The following ZNF644 variants were observed in gnomAD, a reference collection of about 807,000 sequenced individuals.
ZNF644 encodes the protein zinc finger protein 644.
Under a neutral mutation model 108.0 loss-of-function variants are expected in ZNF644, and 20 were observed. The ratio of observed to expected loss-of-function variants is 0.19; its 90% CI spans 0.13 to 0.27. The LOEUF (loss-of-function observed/expected upper bound fraction) is 0.27, where lower values mean the gene tolerates loss of function less well. Among genes scored for constraint, ZNF644 ranks in the 10% least tolerant of loss-of-function variants. The probability of loss-of-function intolerance (pLI) is 1.00; values close to 1 mark genes in which losing one functional copy is unlikely to be tolerated. For synonymous variants in ZNF644, 542 were observed against 539.1 expected (o/e 1.01, Z -0.08); for missense variants, 1,338 against 1,548.9 (o/e 0.86, Z 2.29).
chr1:90,980,608 C>A (rs1656448716), intron 2 of ZNF644, among the ~76,000 whole-genome samples: 1 of 152,006 alleles, frequency 6.6e-6, no homozygotes, highest in East Asian at 1.9e-4. Flanking sequence ...TGTGTTCATA[C>A]AATGGAATAT....
chr1:90,939,685 C>A lies in ZNF644; in HGVS notation c.1669G>T (p.Val557Phe), dbSNP rs750729443. 6.2e-7 allele frequency: 1 copy of A among 1,613,954 alleles called. No individual in the cohort carries two copies. Among genetic ancestry groups the A allele is most frequent in the South Asian group, 1.1e-5 (1 of 91,076 alleles). ...TTTCTCTGGGCAATATCAGAAGTGA[C>A]CATAGGGCATTTTACCACTGCCCCA... ...AHGAVVKCPMVTSDIAQRKTQ... is the reference protein window; with the variant it reads ...AHGAVVKCPMFTSDIAQRKTQ... The change falls in exon 3 of 6, where the codon GTC (valine) becomes TTC (phenylalanine). Residue 557 changes from valine to phenylalanine, a missense_variant. Transcript: ENST00000337393.
Position 90,938,938 on chromosome 1 carries a change from C to A in ZNF644, c.2416G>T (p.Val806Leu). 1 of 1,614,032 alleles carries A rather than the reference C, an allele frequency of 6.2e-7. No individual in the cohort carries two copies. Among genetic ancestry groups the A allele is most frequent in the East Asian group, 2.2e-5 (1 of 44,868 alleles). ...TCCTTAATTACTCTCTTTACAGCTA[C>A]ACGTCTGTGATCTTTGAAGCTTTCA... The part of the protein sequence containing the change: ...RPESFKDHRR[V>L]AVKRVIKESK... The change falls in exon 3 of 6, where the codon GTA becomes TTA. Residue 806 changes from valine to leucine, a missense_variant. Coordinates refer to ENST00000337393, the MANE Select transcript of ZNF644 (RefSeq NM_201269.3). This position sits in a 1 kb window ranked among gnomAD's most constrained non-coding sequence, Gnocchi z 4.2.
chr1:91,003,775 C>T (rs529509537), intron 1 of ZNF644, among the ~76,000 whole-genome samples: 8 of 152,046 alleles, frequency 5.3e-5, no homozygotes, highest in East Asian at 1.9e-4. Flanking sequence ...TGAGGAAACC[C>T]AGACATAGGA....
At chr1:90,925,485 T>C (rs369815293) in intron 4 of ZNF644, among the ~76,000 whole-genome samples, 8 of 152,092 alleles carry the variant, frequency 5.3e-5, no homozygotes, top group African/African-American at 1.7e-4. Flanking sequence ...ATAAACTCTA[T>C]ACCTAATGAT....
intron 2 of ZNF644, among the ~76,000 whole-genome samples, chr1:90,947,739 C>A (rs1253360888): frequency 2.0e-5 from 3 of 151,964 alleles, no homozygotes; most frequent in African/African-American, 7.3e-5. Flanking sequence ...GGTTACCTCC[C>A]AATAAACCCA....
chr1:90,949,812 C>T (rs1317566876), intron 2 of ZNF644, among the ~76,000 whole-genome samples: 1 of 152,122 alleles, frequency 6.6e-6, no homozygotes, highest in Non-Finnish European at 1.5e-5. Flanking sequence ...GGTCATGGAA[C>T]TAATCCCACA....
chr1:90,969,586 G>C (rs575850231), intron 2 of ZNF644, among the ~76,000 whole-genome samples: 25 of 152,298 alleles, frequency 1.6e-4, no homozygotes, highest in African/African-American at 5.8e-4. Flanking sequence ...CCCAGGTTAT[G>C]TATAAACCAT....
chr1:90,919,925 T>C (rs145294891), intron 4 of ZNF644, among the ~76,000 whole-genome samples: 44 of 152,196 alleles, frequency 2.9e-4, no homozygotes, highest in Non-Finnish European at 5.3e-4. Context: ...CATACTTCAT[T>C]ATCCTAGATA....
At chr1:90,950,849 C>T (rs1557589165) in intron 2 of ZNF644, among the ~76,000 whole-genome samples, 1 of 152,082 alleles carries the variant, frequency 6.6e-6, no homozygotes, top group African/African-American at 2.4e-5. Flanking sequence ...CCTCAACTTC[C>T]GTAAGTACTC....
intron 1 of ZNF644, among the ~76,000 whole-genome samples, chr1:90,987,227 T>C: frequency 1.5e-5 from 2 of 133,668 alleles, no homozygotes; most frequent in Admixed American, 7.3e-5. Flanking sequence ...AGAAAAAAAC[T>C]CAATGAAACC....
At position 90,941,193 on chromosome 1, in the gene ZNF644, C is replaced by G. The variant is rs758198975; in HGVS notation, c.161G>C (p.Ser54Thr). 9 of 1,609,248 alleles carry G rather than the reference C, an allele frequency of 5.6e-6. No homozygotes were observed. The Admixed American group carries it at 1.4e-4, about 24-fold the overall frequency. The stretch of plus-strand genomic sequence containing the variant: ...ACAATCTTTTGGCTTATGAACTCCG[C>G]TCTCTTTGTCTGAGATAAAATTGTT... ...DDNNFISDKE[S>T]GVHKPKDCQT... Residue 54 changes from serine (S) to threonine (T), a missense_variant, in exon 3 of 6, where the codon AGC becomes ACC. Transcript: ENST00000337393.
intron 2 of ZNF644, among the ~76,000 whole-genome samples, chr1:90,981,147 GCTT>G (rs1257552862): frequency 1.3e-5 from 2 of 151,962 alleles, no homozygotes; most frequent in Non-Finnish European, 2.9e-5. Flanking sequence ...CAAAAGAATG[GCTT>G]CTTCTCCACT....
At chr1:91,002,449 A>T (rs1658943497) in intron 1 of ZNF644, among the ~76,000 whole-genome samples, 1 of 152,238 alleles carries the variant, frequency 6.6e-6, no homozygotes, top group Non-Finnish European at 1.5e-5. Flanking sequence ...TATTTAACAA[A>T]TGGTGCTGGG....
intron 1 of ZNF644, chr1:91,021,178 G>C: frequency 6.6e-6 from 1 of 152,372 alleles, no homozygotes. Flanking sequence ...ACTTCCCAGG[G>C]ACACAAAGGC....
chr1:90,981,857 T>C (rs1656583113), intron 2 of ZNF644, among the ~76,000 whole-genome samples: 1 of 152,026 alleles, frequency 6.6e-6, no homozygotes, highest in Admixed American at 6.6e-5. Flanking sequence ...ATTTGGCAAA[T>C]TTATCCCATT....
intron 1 of ZNF644, among the ~76,000 whole-genome samples, chr1:90,994,629 T>G (rs1657960541): frequency 6.6e-6 from 1 of 152,228 alleles, no homozygotes; most frequent in Non-Finnish European, 1.5e-5. Flanking sequence ...CTGAATCTGT[T>G]GCCTTTCAAC....
intron 4 of ZNF644, among the ~76,000 whole-genome samples, chr1:90,934,446 G>A (rs1354896110): frequency 6.6e-6 from 1 of 152,134 alleles, no homozygotes; most frequent in Non-Finnish European, 1.5e-5. Context: ...TTAGGCAAAA[G>A]AATTTATGTA....
In ZNF644 at chr1:90,987,007, G is replaced by A. The variant is rs572243966; in HGVS notation, c.-17-4637C>T. Among the ~76,000 whole-genome samples the A allele has an allele frequency of 8.7e-5, 13 of 150,136 alleles. No homozygotes were observed. The East Asian group carries it at 2.5e-3, about 29-fold the overall frequency. ...AACACAACAAACCATTACGTTATGA[G>A]ATGCAACAAAAGCAGTACTAAGAGA... On this transcript the variant is annotated intron_variant, in intron 1 of 5. Coordinates refer to ENST00000337393, the MANE Select transcript of ZNF644 (RefSeq NM_201269.3).
chr1:90,966,893 T>G (rs1654964286), intron 2 of ZNF644, among the ~76,000 whole-genome samples: 1 of 152,064 alleles, frequency 6.6e-6, no homozygotes, highest in South Asian at 2.1e-4. Context: ...GGTGGGGAAT[T>G]TGTGACTACT....
Sources: gnomAD v4.1 joint callset for allele counts (sites outside exome capture counted in the v4.1 genomes callset) on GRCh38, gnomAD v4.1.1 for gene constraint, Gnocchi (gnomAD v3.1) non-coding constraint, MANE v1.5 for transcripts, NCBI Gene and HGNC (gene_info 2026-07-23, HGNC 2026-07-21) for gene names.